DSCAM: variants seen among roughly 807,000 people sequenced by gnomAD.
DSCAM encodes the protein DS cell adhesion molecule.
In DSCAM, 47 loss-of-function variants were observed where a neutral mutation model predicts 217.7. The ratio of observed to expected loss-of-function variants is 0.22; its 90% CI spans 0.17 to 0.28. The LOEUF (loss-of-function observed/expected upper bound fraction) is 0.28. Ranked by LOEUF, DSCAM falls within the 10% of genes least tolerant of loss-of-function variation. DSCAM has a pLI of 1.00. For synonymous variants in DSCAM, 1,056 were observed against 1,015.3 expected (o/e 1.04, Z -0.76); for missense variants, 2,080 against 2,618.3 (o/e 0.79, Z 4.49).
At chr21:40,644,417 T>C (rs559154912) in intron 3 of DSCAM, among the ~76,000 whole-genome samples, 1 of 152,288 alleles carries the variant, frequency 6.6e-6, no homozygotes, top group Non-Finnish European at 1.5e-5. Context: ...GGTTAAGGCA[T>C]AAGCAAGAAA....
chr21:40,753,603 A>G (rs2091248759), intron 1 of DSCAM, among the ~76,000 whole-genome samples: 1 of 152,196 alleles, frequency 6.6e-6, no homozygotes, highest in Non-Finnish European at 1.5e-5. Context: ...GGTGCACATT[A>G]CTATCAGAGT....
At chr21:40,726,216 C>T (rs1413478247) in intron 1 of DSCAM, among the ~76,000 whole-genome samples, 1 of 152,230 alleles carries the variant, frequency 6.6e-6, no homozygotes, top group Admixed American at 6.5e-5. Flanking sequence ...GAATTAGTAA[C>T]ACATGCAGTG....
In DSCAM at chr21:40,052,113, G is replaced by A. The variant is rs1045762627; in HGVS notation, c.5036-6C>T. On this transcript the variant is annotated splice_polypyrimidine_tract_variant and splice_region_variant and intron_variant, in intron 29 of 32. Coordinates refer to ENST00000400454, the MANE Select transcript of DSCAM (RefSeq NM_001389.5). ...CAGAACCGTGGAGCGATCATCTACA[G>A]GATGGCAGGAACACAGAAAGCCAAA... is the stretch of plus-strand genomic sequence containing the variant. The A allele has an allele frequency of 1.9e-6, 3 of 1,613,044 alleles. No individual in the cohort carries two copies. Among genetic ancestry groups the A allele is most frequent in the Non-Finnish European group, 2.5e-6 (3 of 1,179,636 alleles).
At chr21:40,234,349 G>A (rs1022531519) in intron 11 of DSCAM, among the ~76,000 whole-genome samples, 4 of 152,160 alleles carry the variant, frequency 2.6e-5, no homozygotes, top group African/African-American at 9.7e-5. Flanking sequence ...CAGTTGCTTT[G>A]CCTGTAAAAT....
At chr21:40,787,648 C>T (rs2091605999) in intron 1 of DSCAM, among the ~76,000 whole-genome samples, 1 of 152,106 alleles carries the variant, frequency 6.6e-6, no homozygotes, top group Non-Finnish European at 1.5e-5. Context: ...CGGTGTAATA[C>T]CAGGCCCTTC....
rs2088666174 is a variant in DSCAM at position 40,038,190 on chromosome 21, T to G, written c.5686+4181A>C. Among the ~76,000 whole-genome samples, 3 of 139,526 alleles carry G rather than the reference T, an allele frequency of 2.2e-5. No homozygotes were observed. The South Asian group carries it at 7.2e-4, about 33-fold the overall frequency. The allele number at this position is 139,526 out of a possible 152,430, so 91.5% of individuals were successfully genotyped here. A position where few individuals can be genotyped will look rare whatever the true frequency, so the allele number is the denominator to read the frequency against. ...ATGGGATCTAATTAAACTAAAGAGT[T>G]TCTGCACAGCAAAAGAAACTACCAT... On this transcript the variant is annotated intron_variant, in intron 32 of 32. Transcript: ENST00000400454.
intron 11 of DSCAM, among the ~76,000 whole-genome samples, chr21:40,223,866 C>G (rs961669040): frequency 5.3e-5 from 8 of 152,158 alleles, no homozygotes; most frequent in Non-Finnish European, 1.0e-4. Flanking sequence ...ATATTTCCCA[C>G]CTGCCCAGAT....
chr21:40,699,589 A>G (rs1219407511), intron 2 of DSCAM, among the ~76,000 whole-genome samples: 1 of 152,212 alleles, frequency 6.6e-6, no homozygotes, highest in Non-Finnish European at 1.5e-5. Context: ...AGAAAGTGAA[A>G]CTACCTTACT....
At chr21:40,312,741 A>T (rs2074152963) in intron 8 of DSCAM, among the ~76,000 whole-genome samples, 1 of 152,184 alleles carries the variant, frequency 6.6e-6, no homozygotes. Flanking sequence ...TGCGACTATG[A>T]CACTACAATT....
intron 11 of DSCAM, among the ~76,000 whole-genome samples, chr21:40,238,462 G>C (rs372098758): frequency 1.3e-5 from 2 of 152,158 alleles, no homozygotes; most frequent in African/African-American, 2.4e-5. Context: ...GGACATCTGG[G>C]CCTAACAGCG....
intron 11 of DSCAM, among the ~76,000 whole-genome samples, chr21:40,242,165 T>TAA (rs574680228): frequency 2.1e-4 from 31 of 151,152 alleles, no homozygotes; most frequent in African/African-American, 6.8e-4. Flanking sequence ...TTTTTTTTTT[T>TAA]AAAAGAAAGA....
intron 16 of DSCAM, among the ~76,000 whole-genome samples, chr21:40,154,202 T>A (rs2146742403): frequency 6.6e-6 from 1 of 151,334 alleles, no homozygotes; most frequent in South Asian, 2.1e-4. Flanking sequence ...CCTTCCTTCC[T>A]CCCTTCCTTT....
At chr21:40,686,690 G>C (rs1006014537) in intron 3 of DSCAM, among the ~76,000 whole-genome samples, 1 of 152,164 alleles carries the variant, frequency 6.6e-6, no homozygotes, top group Non-Finnish European at 1.5e-5. Context: ...CTGGCAGGCT[G>C]AGGCCCTGCA....
intron 27 of DSCAM, among the ~76,000 whole-genome samples, chr21:40,071,097 A>G (rs1332635947): frequency 6.6e-6 from 1 of 152,172 alleles, no homozygotes; most frequent in Admixed American, 6.5e-5. Context: ...AGGCTTTTAG[A>G]AATATTGGAG....
intron 10 of DSCAM, among the ~76,000 whole-genome samples, chr21:40,278,643 G>A (rs2073720492): frequency 6.6e-6 from 1 of 152,026 alleles, no homozygotes; most frequent in Non-Finnish European, 1.5e-5. Flanking sequence ...CTGGGAGGCT[G>A]AGGTGGGTTT....
chr21:40,338,159 G>C lies in DSCAM; in HGVS notation c.1725C>G (p.Cys575Trp). Residue 575 changes from cysteine to tryptophan, a missense_variant, in exon 8 of 33, where the codon TGC becomes TGG. Transcript: ENST00000400454. ...AGAGTTGTGGTTGAACCAACACGTTGCACGTGTACTCCCCCTCGTCCACTT... is the reference window on the plus strand; with the variant it reads ...AGAGTTGTGGTTGAACCAACACGTTCCACGTGTACTCCCCCTCGTCCACTT... ...QKEVDEGEYTCNVLVQPQLST... is the reference protein window; with the variant it reads ...QKEVDEGEYTWNVLVQPQLST... 1 of 1,614,244 alleles carries C rather than the reference G, an allele frequency of 6.2e-7. No homozygotes were observed.
At chr21:40,284,108 G>GT (rs1326795941) in intron 10 of DSCAM, among the ~76,000 whole-genome samples, 1 of 152,190 alleles carries the variant, frequency 6.6e-6, no homozygotes, top group African/African-American at 2.4e-5. Flanking sequence ...AAAGCATTGG[G>GT]TAAAAAGATA....
chr21:40,656,758 T>C (rs1276854245), intron 3 of DSCAM, among the ~76,000 whole-genome samples: 1 of 152,218 alleles, frequency 6.6e-6, no homozygotes, highest in East Asian at 1.9e-4. Flanking sequence ...TTGTCATGCC[T>C]ACTCATTTCA....
chr21:40,026,968 G>C (rs2088401094), intron 32 of DSCAM, among the ~76,000 whole-genome samples: 1 of 152,310 alleles, frequency 6.6e-6, no homozygotes, highest in African/African-American at 2.4e-5. Flanking sequence ...TTTCTTCCTA[G>C]TCTTGATGGT....
Sources: allele counts gnomAD v4.1 joint callset (sites outside exome capture counted in the v4.1 genomes callset), GRCh38; gene constraint gnomAD v4.1.1; transcripts MANE v1.5; gene names NCBI Gene and HGNC (gene_info 2026-07-23, HGNC 2026-07-21).